Variants in PRKG1 observed in about 807,000 individuals in gnomAD.
PRKG1 encodes the protein cGMP-dependent protein kinase 1.
PRKG1 carries 35 observed loss-of-function variants against 88.1 expected under a neutral mutation model. The ratio of observed to expected loss-of-function variants is 0.40; its 90% confidence interval spans 0.30 to 0.53. The LOEUF (loss-of-function observed/expected upper bound fraction) is 0.53. PRKG1 is among the 20% of genes least tolerant of loss of function. The pLI is 0.59. For missense variants in PRKG1, 540 were observed against 839.8 expected (o/e 0.64, Z 4.41); for synonymous variants, 303 against 292.5 (o/e 1.04, Z -0.37).
intron 2 of PRKG1, among the ~76,000 whole-genome samples, chr10:51,257,166 G>T (rs551356804): frequency 0.013 from 1,804 of 138,800 alleles, 10 homozygotes; most frequent in Admixed American, 0.017. Flanking sequence ...TCAGAGAAGG[G>T]TTTTTTTTTT....
Position 52,239,126 on chromosome 10 carries a change from T to A in PRKG1, c.1077-12444T>A, listed in dbSNP as rs1281223096. On this transcript the variant is annotated intron_variant, in intron 9 of 17. Coordinates refer to ENST00000373980, the MANE Select transcript of PRKG1 (RefSeq NM_006258.4). ...CATAGGTGGGAATTGAACAATGAGA[T>A]CACATGGACACAGGAAGGGGAATAT... 3.8e-5 allele frequency among the ~76,000 whole-genome samples: 4 copies of A among 106,076 alleles called. No homozygotes were observed. In the East Asian group the frequency reaches 8.6e-4, roughly 23 times the overall value. 69.6% of individuals were successfully genotyped at this position (106,076 alleles called of 152,430 possible).
At chr10:52,109,721 C>T (rs1250064682) in intron 7 of PRKG1, among the ~76,000 whole-genome samples, 1 of 151,986 alleles carries the variant, frequency 6.6e-6, no homozygotes, top group Non-Finnish European at 1.5e-5. Flanking sequence ...CGACATCACG[C>T]CACTGCACTC....
chr10:51,397,360 G>C (rs1358991077), intron 2 of PRKG1, among the ~76,000 whole-genome samples: 1 of 152,000 alleles, frequency 6.6e-6, no homozygotes, highest in Non-Finnish European at 1.5e-5. Flanking sequence ...AAAGATTATA[G>C]TTTTTCCTTT....
At chr10:51,291,175 A>T (rs1840573574) in intron 2 of PRKG1, among the ~76,000 whole-genome samples, 1 of 152,066 alleles carries the variant, frequency 6.6e-6, no homozygotes, top group African/African-American at 2.4e-5. Flanking sequence ...AATGCCCCTG[A>T]CCTTTTTGCA....
At chr10:51,281,923 A>C (rs1310264089) in intron 2 of PRKG1, among the ~76,000 whole-genome samples, 1 of 152,194 alleles carries the variant, frequency 6.6e-6, no homozygotes, top group Non-Finnish European at 1.5e-5. Flanking sequence ...CCCTGAGCCC[A>C]TCTCAGACTA....
At chr10:51,533,250 A>G (rs1326490748) in intron 3 of PRKG1, among the ~76,000 whole-genome samples, 1 of 152,224 alleles carries the variant, frequency 6.6e-6, no homozygotes, top group South Asian at 2.1e-4. Context: ...AATAAAAGTA[A>G]TAGTAGTTTT....
chr10:51,996,797 G>C (rs1844454683), intron 5 of PRKG1, among the ~76,000 whole-genome samples: 1 of 152,068 alleles, frequency 6.6e-6, no homozygotes. Flanking sequence ...ATATCCAAAG[G>C]AAACGAAATC....
chr10:51,916,175 G>A (rs1842334994), intron 5 of PRKG1, among the ~76,000 whole-genome samples: 2 of 152,076 alleles, frequency 1.3e-5, no homozygotes, highest in Admixed American at 1.3e-4. Flanking sequence ...AGACAGTTAA[G>A]GCACTCTAAT....
intron 3 of PRKG1, among the ~76,000 whole-genome samples, chr10:51,634,858 A>C (rs1229786223): frequency 2.6e-5 from 4 of 152,142 alleles, no homozygotes; most frequent in African/African-American, 9.7e-5. Flanking sequence ...GAAACACTAC[A>C]TATTCTCACT....
rs150940922 is a variant in PRKG1, at chr10:51,384,139, C to G, written c.479-83584C>G. On this transcript the variant is annotated intron_variant, in intron 2 of 17. Transcript: ENST00000373980. Reference sequence around the variant, plus strand: ...CGTTTTATCATCCTTCTTCAAAGACCAGAGATGGGAATGAGAAACTCTGTT... The same window carrying G: ...CGTTTTATCATCCTTCTTCAAAGACGAGAGATGGGAATGAGAAACTCTGTT... 4.4e-3 allele frequency among the ~76,000 whole-genome samples: 665 copies of G among 151,898 alleles called. 6 individuals are homozygous for G. Among genetic ancestry groups the G allele is most frequent in the African/African-American group, 0.015 (621 of 41,388 alleles).
chr10:51,131,197 C>A (rs1845558218), intron 1 of PRKG1, among the ~76,000 whole-genome samples: 2 of 152,100 alleles, frequency 1.3e-5, no homozygotes, highest in Admixed American at 6.6e-5. Context: ...ACTTCTTGAT[C>A]TTCAAGTATC....
chr10:51,392,813 G>T (rs1012643307), intron 2 of PRKG1, among the ~76,000 whole-genome samples: 1 of 145,452 alleles, frequency 6.9e-6, no homozygotes, highest in African/African-American at 2.5e-5. Flanking sequence ...GCGGGGGGCT[G>T]ACCCCCCACC....
intron 4 of PRKG1, among the ~76,000 whole-genome samples, chr10:51,899,070 T>C (rs6480556): frequency 0.25 from 38,493 of 152,000 alleles, 5,568 homozygotes; most frequent in African/African-American, 0.35. Flanking sequence ...GTAAGAAGTT[T>C]CTGTAAAATG....
chr10:51,024,870 A>G (rs1261311589), intron 1 of PRKG1, among the ~76,000 whole-genome samples: 2 of 151,910 alleles, frequency 1.3e-5, no homozygotes, highest in African/African-American at 4.8e-5. Flanking sequence ...TGATCCAGTC[A>G]CCTCCCACCA....
chr10:51,370,528 G>A (rs1428857002), intron 2 of PRKG1, among the ~76,000 whole-genome samples: 4 of 151,392 alleles, frequency 2.6e-5, no homozygotes, highest in Non-Finnish European at 4.4e-5. Flanking sequence ...GTGTGTGTGT[G>A]TGTGTAAGGA....
At chr10:52,245,480 G>A (rs937002485) in intron 9 of PRKG1, among the ~76,000 whole-genome samples, 39 of 152,202 alleles carry the variant, frequency 2.6e-4, no homozygotes, top group African/African-American at 8.9e-4. Context: ...TGATAAGCCA[G>A]GATGCTCTCT....
chr10:51,461,487 G>A (rs188261359), intron 2 of PRKG1, among the ~76,000 whole-genome samples: 116 of 152,228 alleles, frequency 7.6e-4, no homozygotes, highest in African/African-American at 2.7e-3. Context: ...CCAACTAGGA[G>A]TAAAACAAAC....
chr10:52,083,100 G>T (rs938271453), intron 7 of PRKG1, among the ~76,000 whole-genome samples: 8 of 151,974 alleles, frequency 5.3e-5, no homozygotes, highest in African/African-American at 1.9e-4. Flanking sequence ...TGAATGACAG[G>T]CACACTGTCA....
intron 3 of PRKG1, among the ~76,000 whole-genome samples, chr10:51,782,613 T>C (rs1040740970): frequency 1.3e-5 from 2 of 152,078 alleles, no homozygotes; most frequent in Non-Finnish European, 2.9e-5. Flanking sequence ...ATAATTCCCA[T>C]GTGTTGTGGG....
Sources: allele counts gnomAD v4.1 joint callset (sites outside exome capture counted in the v4.1 genomes callset), GRCh38; gene constraint gnomAD v4.1.1; transcripts MANE v1.5; gene names NCBI Gene and HGNC (gene_info 2026-07-23, HGNC 2026-07-21).